Variants in DOK6 observed in about 807,000 individuals in gnomAD.
DOK6 encodes docking protein 6.
In DOK6, 22 loss-of-function variants were observed where a neutral mutation model predicts 44.0. The observed-to-expected ratio is 0.50, with a 90% CI of 0.36 to 0.71. The LOEUF (loss-of-function observed/expected upper bound fraction) is 0.71. Ranked by LOEUF, DOK6 falls within the 30% of genes least tolerant of loss-of-function variation. The pLI, the probability that DOK6 is intolerant of heterozygous loss-of-function variation, is 0.00. For missense variants in DOK6, 340 were observed against 416.4 expected, an observed-to-expected ratio of 0.82 and a Z score of 1.60; for synonymous variants, 166 against 145.5, an observed-to-expected ratio of 1.14 and a Z score of -1.01.
At chr18:69,418,888 CT>C (rs368378407) in intron 1 of DOK6, among the ~76,000 whole-genome samples, 20 of 152,118 alleles carry the variant, frequency 1.3e-4, no homozygotes, top group African/African-American at 4.3e-4. Context: ...GGGGAAAAAA[CT>C]TTTTTTGCCT....
intron 7 of DOK6, among the ~76,000 whole-genome samples, chr18:69,803,782 C>A (rs1215247796): frequency 1.3e-5 from 2 of 152,020 alleles, no homozygotes; most frequent in East Asian, 3.9e-4. Flanking sequence ...TCACTTGAAC[C>A]CGGGAGGCAG....
At chr18:69,587,917 TA>T (rs1475727900) in intron 2 of DOK6, among the ~76,000 whole-genome samples, 1 of 152,206 alleles carries the variant, frequency 6.6e-6, no homozygotes, top group East Asian at 1.9e-4. Flanking sequence ...CATAATAATT[TA>T]GGCATAATAA....
chr18:69,787,725 T>C (rs1980474695), intron 7 of DOK6, among the ~76,000 whole-genome samples: 1 of 152,150 alleles, frequency 6.6e-6, no homozygotes, highest in Non-Finnish European at 1.5e-5. Context: ...CAGTACCTGT[T>C]TTCAAACTTT....
At chr18:69,489,936 A>AG (rs941274643) in intron 1 of DOK6, among the ~76,000 whole-genome samples, 3 of 152,114 alleles carry the variant, frequency 2.0e-5, no homozygotes, top group African/African-American at 7.2e-5. Context: ...CTAAAAAAAA[A>AG]AAAAAACCCT....
chr18:69,716,587 A>G (rs1986886661), intron 5 of DOK6, among the ~76,000 whole-genome samples: 1 of 151,244 alleles, frequency 6.6e-6, no homozygotes, highest in Non-Finnish European at 1.5e-5. Flanking sequence ...CTGCCTCAAA[A>G]TGTCCCTTTG....
At chr18:69,637,954 C>T (rs1984847716) in intron 3 of DOK6, among the ~76,000 whole-genome samples, 1 of 151,984 alleles carries the variant, frequency 6.6e-6, no homozygotes, top group South Asian at 2.1e-4. Context: ...CCGTCCTCAA[C>T]TATTTATTGA....
chr18:69,614,546 G>C (rs1389069209), intron 3 of DOK6, among the ~76,000 whole-genome samples: 4 of 18,632 alleles, frequency 2.1e-4, no homozygotes, highest in Non-Finnish European at 4.5e-4. Context: ...TTTTTTCTTT[G>C]TGTGTGTGTG....
At chr18:69,486,409 G>A (rs960349513) in intron 1 of DOK6, among the ~76,000 whole-genome samples, 1 of 152,102 alleles carries the variant, frequency 6.6e-6, no homozygotes, top group African/African-American at 2.4e-5. Flanking sequence ...AGACAGTAGT[G>A]TGGGTTTTTG....
chr18:69,402,113 G>A (rs1916113345), intron 1 of DOK6, among the ~76,000 whole-genome samples: 1 of 152,124 alleles, frequency 6.6e-6, no homozygotes, highest in Non-Finnish European at 1.5e-5. Flanking sequence ...CCTAGACTTG[G>A]GACGCGAGAG....
chr18:69,612,162 A>C (rs1423781341), intron 3 of DOK6, among the ~76,000 whole-genome samples: 1 of 152,166 alleles, frequency 6.6e-6, no homozygotes, highest in Non-Finnish European at 1.5e-5. Context: ...TTCAACAAAA[A>C]GTAAATTAGG....
chr18:69,656,347 G>C (rs74555742), intron 3 of DOK6, among the ~76,000 whole-genome samples: 3,051 of 152,254 alleles, frequency 0.02, 104 homozygotes, highest in East Asian at 0.13. Flanking sequence ...TTTAGGAAGA[G>C]GAAAGTAAAA....
At chr18:69,809,396 A>G (rs986399660) in intron 7 of DOK6, among the ~76,000 whole-genome samples, 3 of 151,762 alleles carry the variant, frequency 2.0e-5, no homozygotes, top group African/African-American at 7.2e-5. Flanking sequence ...ACAGAACAAG[A>G]CAAGGATGCC....
chr18:69,754,841 C>A lies in DOK6; in HGVS notation c.739-2915C>A, dbSNP rs551659569. On this transcript the variant is annotated intron_variant, in intron 6 of 7. Transcript: ENST00000382713. ...TAAAAGCCTTGTCTTCAAATATAGT[C>A]ATTTGGGGGATAGTGTTTTAACATA... is the stretch of plus-strand genomic sequence containing the variant. 3.3e-5 allele frequency among the ~76,000 whole-genome samples: 5 copies of A among 152,210 alleles called. No individual in the cohort carries two copies. In the East Asian group the frequency reaches 9.7e-4, roughly 29 times the overall value.
At chr18:69,756,605 T>C (rs7243586) in intron 6 of DOK6, among the ~76,000 whole-genome samples, 16,875 of 152,274 alleles carry the variant, frequency 0.11, 981 homozygotes, top group Middle Eastern at 0.15. Flanking sequence ...CTTAGTTTTA[T>C]GTGGCCTTGA....
intron 1 of DOK6, among the ~76,000 whole-genome samples, chr18:69,557,336 T>C (rs1043930466): frequency 3.9e-5 from 6 of 152,166 alleles, no homozygotes; most frequent in African/African-American, 1.4e-4. Flanking sequence ...ATCCAACTTC[T>C]GGTTAAGGCA....
At chr18:69,444,129 T>TTTAAGCCATTAAGCCATTTTAAGCCA (rs1979214050) in intron 1 of DOK6, among the ~76,000 whole-genome samples, 1 of 152,126 alleles carries the variant, frequency 6.6e-6, no homozygotes, top group Non-Finnish European at 1.5e-5. Flanking sequence ...ATATGTAAGT[T>TTTAAGCCATTAAGCCATTTTAAGCCA]TTAAGATGGC....
At chr18:69,531,259 CATAT>C (rs201275955) in intron 1 of DOK6, among the ~76,000 whole-genome samples, 1 of 145,818 alleles carries the variant, frequency 6.9e-6, no homozygotes, top group Non-Finnish European at 1.5e-5. Context: ...TATATACTTA[CATAT>C]ATATATATAA....
Position 69,698,397 on chromosome 18 carries a change from T to C in DOK6, c.410-7T>C. On this transcript the variant is annotated splice_polypyrimidine_tract_variant and splice_region_variant and intron_variant, in intron 4 of 7. Transcript: ENST00000382713. ...CTTAACCTTCTCCATTCTTCGTCTC[T>C]TCACAGAGAGATTCAACGTGTATCT... The C allele has an allele frequency of 6.2e-7, 1 of 1,606,742 alleles. No homozygotes were observed. Among genetic ancestry groups the C allele is most frequent in the Non-Finnish European group, 8.5e-7 (1 of 1,176,220 alleles).
chr18:69,539,725 G>T (rs60440176), intron 1 of DOK6, among the ~76,000 whole-genome samples: 25,026 of 151,830 alleles, frequency 0.16, 3,328 homozygotes, highest in African/African-American at 0.37. Flanking sequence ...CTATAATACA[G>T]AACTTATGCA....
Sources: allele counts gnomAD v4.1 joint callset (sites outside exome capture counted in the v4.1 genomes callset), GRCh38; gene constraint gnomAD v4.1.1; transcripts MANE v1.5; gene names NCBI Gene and HGNC (gene_info 2026-07-23, HGNC 2026-07-21).